SDCCAG8: variants seen among roughly 807,000 people sequenced by gnomAD.
SDCCAG8 encodes the protein serologically defined colon cancer antigen 8.
SDCCAG8 carries 74 observed loss-of-function variants against 101.8 expected under a neutral mutation model. The observed-to-expected ratio is 0.73, with a 90% CI of 0.60 to 0.88. The LOEUF (loss-of-function observed/expected upper bound fraction) is 0.88, where lower values mean the gene tolerates loss of function less well. Among genes scored for constraint, SDCCAG8 ranks in the 40% least tolerant of loss-of-function variants. The probability of loss-of-function intolerance (pLI) is 0.00; values close to 1 mark genes in which losing one functional copy is unlikely to be tolerated. For missense variants in SDCCAG8, 787 were observed against 822.6 expected, an observed-to-expected ratio of 0.96 and a Z score of 0.53; for synonymous variants, 281 against 292.9, an observed-to-expected ratio of 0.96 and a Z score of 0.41.
At chr1:243,261,858 C>CTT (rs371602212) in intron 1 of SDCCAG8, among the ~76,000 whole-genome samples, 5 of 136,390 alleles carry the variant, frequency 3.7e-5, no homozygotes, top group East Asian at 4.3e-4. Flanking sequence ...TTTTCTTTTT[C>CTT]TTTTTTTTTT....
intron 16 of SDCCAG8, among the ~76,000 whole-genome samples, chr1:243,453,298 G>A (rs560051129): frequency 6.6e-6 from 1 of 152,120 alleles, no homozygotes; most frequent in Non-Finnish European, 1.5e-5. Context: ...CACTCTTCTT[G>A]GTGGGCTTGA....
At chr1:243,340,557 C>A (rs1054972993) in intron 10 of SDCCAG8, among the ~76,000 whole-genome samples, 1 of 152,128 alleles carries the variant, frequency 6.6e-6, no homozygotes, top group Non-Finnish European at 1.5e-5. Context: ...TGCACAGAGC[C>A]TCTTCTTTGT....
At position 243,415,774 on chromosome 1, in the gene SDCCAG8, AGAGCAG is replaced by A; in HGVS notation, c.1694_1699del (p.Gln565_Glu566del). On this transcript the variant is annotated inframe_deletion, in exon 14 of 18. Coordinates refer to ENST00000366541, the MANE Select transcript of SDCCAG8 (RefSeq NM_006642.5). ...CCCAAGCCCTTCAGGCCCAGCAAAG[AGAGCAG>A]GAGCTGACACAGAAGATACAGCAAA... 1.2e-6 allele frequency: 2 copies of A among 1,613,828 alleles called. No individual in the cohort carries two copies. Among genetic ancestry groups the A allele is most frequent in the Non-Finnish European group, 1.7e-6 (2 of 1,179,800 alleles).
At chr1:243,264,352 C>T (rs917247546) in intron 1 of SDCCAG8, among the ~76,000 whole-genome samples, 22 of 152,086 alleles carry the variant, frequency 1.4e-4, no homozygotes, top group African/African-American at 4.6e-4. Flanking sequence ...GGGTGGCTCA[C>T]GCCTGTAATC....
At chr1:243,480,696 G>A (rs111206213) in intron 16 of SDCCAG8, among the ~76,000 whole-genome samples, 18 of 85,218 alleles carry the variant, frequency 2.1e-4, no homozygotes, top group South Asian at 9.3e-4. Flanking sequence ...GGATGGATGG[G>A]TGGGATGGAT....
intron 1 of SDCCAG8, chr1:243,268,267 A>G: frequency 5.7e-6 from 2 of 353,402 alleles, no homozygotes; most frequent in Non-Finnish European, 1.1e-5. Context: ...AAGGGCATAA[A>G]TCTAAAGCTC....
chr1:243,313,458 A>C (rs1025819068), intron 8 of SDCCAG8, among the ~76,000 whole-genome samples: 7 of 152,196 alleles, frequency 4.6e-5, no homozygotes, highest in African/African-American at 1.7e-4. Context: ...AGTTTCTTAA[A>C]TATTACATGC....
intron 1 of SDCCAG8, among the ~76,000 whole-genome samples, chr1:243,256,893 A>T (rs2066761623): frequency 6.6e-6 from 1 of 152,240 alleles, no homozygotes; most frequent in South Asian, 2.1e-4. Context: ...CTATTATCAA[A>T]ACCTTATTAA....
chr1:243,316,549 G>A (rs927151809), intron 8 of SDCCAG8, among the ~76,000 whole-genome samples: 46 of 152,150 alleles, frequency 3.0e-4, no homozygotes, highest in Non-Finnish European at 5.3e-4. Flanking sequence ...GTCCTGCCAC[G>A]AAGGCTCTTA....
At chr1:243,440,869 C>G (rs1438595336) in intron 16 of SDCCAG8, among the ~76,000 whole-genome samples, 9 of 152,120 alleles carry the variant, frequency 5.9e-5, no homozygotes, top group Non-Finnish European at 2.9e-5. Context: ...AGCATGCAGG[C>G]TGCTGGTGAT....
chr1:243,497,337 T>TGGC (rs1668196804), intron 17 of SDCCAG8, among the ~76,000 whole-genome samples: 5 of 35,362 alleles, frequency 1.4e-4, no homozygotes, highest in African/African-American at 2.5e-4. Flanking sequence ...TAGGCACGGG[T>TGGC]GGGGGGGGGG....
intron 6 of SDCCAG8, among the ~76,000 whole-genome samples, chr1:243,301,561 ATAAAT>A (rs2071505350): frequency 6.6e-6 from 1 of 152,206 alleles, no homozygotes; most frequent in Non-Finnish European, 1.5e-5. Flanking sequence ...CCATTTCAAG[ATAAAT>A]TAATCCAATA....
At chr1:243,430,415 A>T (rs186814082) in intron 16 of SDCCAG8, among the ~76,000 whole-genome samples, 1 of 152,208 alleles carries the variant, frequency 6.6e-6, no homozygotes, top group African/African-American at 2.4e-5. Flanking sequence ...ACCTAAAGGC[A>T]GGGTCTTTAT....
chr1:243,302,784 G>A (rs1558261491), intron 6 of SDCCAG8, among the ~76,000 whole-genome samples: 1 of 152,124 alleles, frequency 6.6e-6, no homozygotes, highest in African/African-American at 2.4e-5. Context: ...CAGTCATAAG[G>A]ACCTTTAAGG....
intron 8 of SDCCAG8, among the ~76,000 whole-genome samples, chr1:243,315,570 C>G (rs1227833969): frequency 6.6e-6 from 1 of 152,110 alleles, no homozygotes. Context: ...TAACTTTGTT[C>G]AGTATTACAT....
chr1:243,285,460 C>G (rs1258896438), intron 4 of SDCCAG8, among the ~76,000 whole-genome samples: 1 of 152,098 alleles, frequency 6.6e-6, no homozygotes, highest in Non-Finnish European at 1.5e-5. Context: ...ACTGAAAATT[C>G]AAAGTCCACA....
intron 5 of SDCCAG8, among the ~76,000 whole-genome samples, 158 bp from the exon 6 acceptor site, chr1:243,292,933 C>A (rs2070418281): frequency 6.6e-6 from 1 of 152,142 alleles, no homozygotes; most frequent in Non-Finnish European, 1.5e-5. Context: ...TAGAATATGA[C>A]CCTAATAGCC....
At chr1:243,272,421 T>C (rs949883944) in intron 3 of SDCCAG8, among the ~76,000 whole-genome samples, 11 of 152,180 alleles carry the variant, frequency 7.2e-5, no homozygotes, top group African/African-American at 2.7e-4. Context: ...TCTAAATTTA[T>C]AGATACAGAT....
chr1:243,366,944 A>G (rs1369320197), intron 12 of SDCCAG8, among the ~76,000 whole-genome samples: 2 of 152,120 alleles, frequency 1.3e-5, no homozygotes, highest in South Asian at 2.1e-4. Flanking sequence ...TATGTGCTCA[A>G]AAATATTTAT....
Sources: allele counts gnomAD v4.1 joint callset (sites outside exome capture counted in the v4.1 genomes callset), GRCh38; gene constraint gnomAD v4.1.1; transcripts MANE v1.5; gene names NCBI Gene and HGNC (gene_info 2026-07-23, HGNC 2026-07-21).